HAGH: variants seen among roughly 807,000 people sequenced by gnomAD.
HAGH encodes hydroxyacylglutathione hydrolase, mitochondrial.
HAGH carries 29 observed loss-of-function variants against 35.1 expected under a neutral mutation model. The ratio of observed to expected loss-of-function variants is 0.83; its 90% CI spans 0.62 to 1.13. The LOEUF (loss-of-function observed/expected upper bound fraction) is 1.13, where lower values mean the gene tolerates loss of function less well. Among genes scored for constraint, HAGH ranks in the 50% most tolerant of loss-of-function variants. The probability of loss-of-function intolerance (pLI) is 0.00; values close to 1 mark genes in which losing one functional copy is unlikely to be tolerated. For synonymous variants in HAGH, 225 were observed against 176.1 expected (o/e 1.28, Z -2.20); for missense variants, 478 against 419.6 (o/e 1.14, Z -1.22).
At chr16:1,817,376 C>T (rs1011351992) in intron 5 of HAGH, 105 bp from the exon 6 acceptor site, 65 of 758,346 alleles carry the variant, frequency 8.6e-5, no homozygotes, top group Admixed American at 6.2e-5. Flanking sequence ...GCCCAGGCCC[C>T]GAACCCTGGC....
At chr16:1,816,852 C>G (rs773456909) in intron 7 of HAGH, 41 bp downstream of exon 7, 1 of 1,263,908 alleles carries the variant, frequency 7.9e-7, no homozygotes, top group African/African-American at 1.5e-5. Flanking sequence ...CGGCCCTGAG[C>G]AGCCCACAGG....
intron 5 of HAGH, chr16:1,818,912 CG>C (rs1324301679): frequency 5.2e-6 from 3 of 575,572 alleles, no homozygotes; most frequent in African/African-American, 3.8e-5. Flanking sequence ...TTGCTGCAAG[CG>C]TAACTTCCTT....
At chr16:1,810,662 A>C (rs186153368) in intron 7 of HAGH, 1 of 152,474 alleles carries the variant, frequency 6.6e-6, no homozygotes, top group Non-Finnish European at 1.5e-5. Flanking sequence ...GTCTCCACAC[A>C]GCCCCGGCCC....
rs1259536083 is a variant in HAGH, at chr16:1,822,337, C to T, written c.277G>A (p.Val93Met). ...GTGGTGAGCACTGTGGTCAGTTTCA[C>T]CCCGTGCTTTCTCGCCGCGTCCACG... ...KVVDAARKHG[V>M]KLTTVLTTHH... Residue 93 changes from valine (V) to methionine (M), a missense_variant, in exon 3 of 9, where the codon GTG (valine) becomes ATG (methionine). Val to Met is a conservative substitution (Grantham distance 21). Coordinates refer to ENST00000397356, the MANE Select transcript of HAGH (RefSeq NM_005326.6). 2.5e-6 allele frequency: 4 copies of T among 1,612,192 alleles called. No individual in the cohort carries two copies. Among genetic ancestry groups the T allele is most frequent in the Non-Finnish European group, 3.4e-6 (4 of 1,179,094 alleles).
At chr16:1,809,602 T>A (rs1897545167) in intron 8 of HAGH, 152 bp downstream of exon 8, 2 of 712,056 alleles carry the variant, frequency 2.8e-6, no homozygotes, top group South Asian at 3.3e-5. Flanking sequence ...CGGACCCCCC[T>A]CAAGAAGAGT....
chr16:1,826,256 G>T (rs887857341), intron 1 of HAGH, among the ~76,000 whole-genome samples: 1 of 151,502 alleles, frequency 6.6e-6, no homozygotes, highest in Admixed American at 6.6e-5. Flanking sequence ...GTCCCCAGAC[G>T]GGGGCTCCGG....
At chr16:1,810,176 C>T (rs1281558765) in intron 7 of HAGH, 1 of 272,876 alleles carries the variant, frequency 3.7e-6, no homozygotes, top group Non-Finnish European at 7.3e-6. Context: ...TGCTTCAGAA[C>T]ACCTCCTGGT....
Position 1,822,443 on chromosome 16 carries a change from G to A in HAGH, c.250-79C>T, listed in dbSNP as rs574472717. The A allele has an allele frequency of 1.1e-4, 123 of 1,085,012 alleles. 3 individuals carry two copies. In the South Asian group the frequency reaches 1.2e-3, roughly 10 times the overall value. 67.2% of individuals were successfully genotyped at this position (1,085,012 alleles called of 1,614,324 possible). A position where few individuals can be genotyped will look rare whatever the true frequency, so the allele number is the denominator to read the frequency against. The stretch of plus-strand genomic sequence containing the variant: ...GCTGGCCTATATGGTAGGGTGCCCA[G>A]CAGAACCCAGGACACGCCATGAGGG... On this transcript the variant is annotated intron_variant, in intron 2 of 8. Coordinates refer to ENST00000397356, the MANE Select transcript of HAGH (RefSeq NM_005326.6).
intron 7 of HAGH, among the ~76,000 whole-genome samples, chr16:1,813,859 A>C (rs1313274885): frequency 6.6e-6 from 1 of 152,214 alleles, no homozygotes; most frequent in Non-Finnish European, 1.5e-5. Flanking sequence ...AGTCATAGAG[A>C]CCAACGAAAC....
At chr16:1,822,603 G>A (rs548255301) in intron 2 of HAGH, among the ~76,000 whole-genome samples, 1 of 152,130 alleles carries the variant, frequency 6.6e-6, no homozygotes, top group African/African-American at 2.4e-5. Flanking sequence ...CCAGCTCTGA[G>A]GGCACCACCC....
At chr16:1,814,276 T>G (rs1249559244) in intron 7 of HAGH, among the ~76,000 whole-genome samples, 1 of 151,140 alleles carries the variant, frequency 6.6e-6, no homozygotes, top group Non-Finnish European at 1.5e-5. Flanking sequence ...GGAGTTCGAG[T>G]CCAGCCTGAT....
intron 5 of HAGH, among the ~76,000 whole-genome samples, chr16:1,817,484 C>A (rs1442893166): frequency 6.6e-6 from 1 of 152,132 alleles, no homozygotes; most frequent in Non-Finnish European, 1.5e-5. Context: ...CCCAACTGGC[C>A]GAGCAGACCC....
rs115196694 is a variant in HAGH, at chr16:1,816,367, A to G, written c.747+526T>C. On this transcript the variant is annotated intron_variant, in intron 7 of 8. Transcript: ENST00000397356. The stretch of plus-strand genomic sequence containing the variant: ...GATTTATTTAAAACAACCCTGTCAG[A>G]GGCAGCGACTCTCACTCCACTCAGC... Among the ~76,000 whole-genome samples, 970 of 152,232 alleles carry G rather than the reference A, an allele frequency of 6.4e-3. 13 individuals carry two copies. The highest frequency in any genetic ancestry group is 0.023 in the African/African-American group (948 of 41,554).
At chr16:1,820,686 T>TC (rs1898117163) in intron 3 of HAGH, among the ~76,000 whole-genome samples, 4 of 152,100 alleles carry the variant, frequency 2.6e-5, no homozygotes, top group African/African-American at 9.7e-5. Flanking sequence ...TCTCACATGA[T>TC]ATCACAGACT....
At chr16:1,817,130 G>GC (rs758232759) in intron 6 of HAGH, 38 bp downstream of exon 6, 4 of 1,454,862 alleles carry the variant, frequency 2.7e-6, no homozygotes, top group Non-Finnish European at 3.9e-6. Flanking sequence ...CCTGGTTAAG[G>GC]CCCCCCACAC....
chr16:1,826,102 T>C (rs778922035), intron 1 of HAGH, among the ~76,000 whole-genome samples: 1 of 152,344 alleles, frequency 6.6e-6, no homozygotes, highest in African/African-American at 2.4e-5. Flanking sequence ...CTGCAGAGCC[T>C]TGACAGCTTT....
At chr16:1,812,397 G>A (rs890193677) in intron 7 of HAGH, 5 of 148,774 alleles carry the variant, frequency 3.4e-5, no homozygotes, top group African/African-American at 1.0e-4. Context: ...CCAGCTACTT[G>A]GGAGGCTGAG....
At chr16:1,826,942 T>G, upstream of HAGH, 1 of 638,866 alleles carries the variant, frequency 1.6e-6, no homozygotes, top group Non-Finnish European at 2.4e-6. Context: ...GCGCTCAACT[T>G]GTTTTGTCCG....
At chr16:1,818,994 C>T (rs565726956) in intron 5 of HAGH, 121 bp downstream of exon 5, 12 of 666,004 alleles carry the variant, frequency 1.8e-5, no homozygotes, top group Non-Finnish European at 3.0e-5. Context: ...AGCACCCACC[C>T]CTGGGCCCCC....
Sources: allele counts gnomAD v4.1 joint callset (sites outside exome capture counted in the v4.1 genomes callset), GRCh38; gene constraint gnomAD v4.1.1; transcripts MANE v1.5; gene names NCBI Gene and HGNC (gene_info 2026-07-23, HGNC 2026-07-21).